PDE8A: variants seen among roughly 807,000 people sequenced by gnomAD.
The protein encoded by PDE8A is high affinity cAMP-specific and IBMX-insensitive 3',5'-cyclic phosphodiesterase 8A.
In PDE8A, 59 loss-of-function variants were observed where a neutral mutation model predicts 105.0. The ratio of observed to expected loss-of-function variants is 0.56; its 90% CI spans 0.46 to 0.70. The LOEUF (loss-of-function observed/expected upper bound fraction) is 0.70, where lower values mean the gene tolerates loss of function less well. Among genes scored for constraint, PDE8A ranks in the 30% least tolerant of loss-of-function variants. The pLI, the probability that PDE8A is intolerant of heterozygous loss-of-function variation, is 0.00. For missense variants in PDE8A, 1,014 were observed against 1,045.9 expected (o/e 0.97, Z 0.42); for synonymous variants, 355 against 371.9 (o/e 0.95, Z 0.52).
At chr15:85,059,643 T>C (rs1317895513) in intron 1 of PDE8A, among the ~76,000 whole-genome samples, 1 of 152,230 alleles carries the variant, frequency 6.6e-6, no homozygotes, top group Admixed American at 6.5e-5. Context: ...TAACTTCCCC[T>C]GCTCTTTTTT....
chr15:85,115,271 G>A (rs2082077931), intron 14 of PDE8A, 168 bp from the exon 15 acceptor site: 1 of 570,662 alleles, frequency 1.8e-6, no homozygotes, highest in Non-Finnish European at 3.1e-6. Flanking sequence ...GTAAGTGACT[G>A]AGGTCAGTGG....
chr15:85,073,236 C>G (rs542446957), intron 3 of PDE8A, among the ~76,000 whole-genome samples: 1 of 152,324 alleles, frequency 6.6e-6, no homozygotes, highest in African/African-American at 2.4e-5. Flanking sequence ...CCTGAACATT[C>G]AGGTATACAT....
intron 1 of PDE8A, among the ~76,000 whole-genome samples, chr15:84,993,140 CAT>C (rs1453077678): frequency 2.6e-5 from 4 of 152,128 alleles, no homozygotes; most frequent in Admixed American, 2.0e-4. Context: ...AAACTTGAAA[CAT>C]ATAGAAAAGA....
rs746281373 is a variant in PDE8A at position 84,982,188 on chromosome 15, T to C, written c.26T>C (p.Ile9Thr). The change falls in exon 1 of 22, where the codon ATT (isoleucine) becomes ACT (threonine). Residue 9 changes from isoleucine to threonine, a missense_variant. Transcript: ENST00000394553. MGCAPSIH[I>T]SERLVAEDAP... is the part of the protein sequence containing the mutation. ...ATGGGCTGTGCCCCGAGCATCCACA[T>C]TTCCGAGCGCCTGGTGGCCGAGGAC... 1.6e-5 allele frequency: 24 copies of C among 1,483,868 alleles called. No individual in the cohort carries two copies. The highest frequency in any genetic ancestry group is 2.1e-5 in the Non-Finnish European group (24 of 1,126,968). The allele number at this position is 1,483,868 out of a possible 1,614,324, so 91.9% of individuals were successfully genotyped here. A position where few individuals can be genotyped will look rare whatever the true frequency, so the allele number is the denominator to read the frequency against.
intron 19 of PDE8A, among the ~76,000 whole-genome samples, chr15:85,123,709 G>T (rs1365966156): frequency 6.6e-6 from 1 of 152,086 alleles, no homozygotes; most frequent in African/African-American, 2.4e-5. Context: ...GAAACACCCA[G>T]GATCAATACT....
chr15:85,121,336 G>T (rs1358009261), intron 18 of PDE8A, among the ~76,000 whole-genome samples: 1 of 143,382 alleles, frequency 7.0e-6, no homozygotes, highest in Non-Finnish European at 1.5e-5. Context: ...AGGATTGCTT[G>T]AGCCCAGGAG....
chr15:85,103,180 C>T (rs1258553306), intron 11 of PDE8A, among the ~76,000 whole-genome samples: 2 of 152,136 alleles, frequency 1.3e-5, no homozygotes, highest in South Asian at 2.1e-4. Context: ...TGAGATCGCG[C>T]CACTGCACTC....
At chr15:85,117,455 C>G (rs570092542) in intron 16 of PDE8A, among the ~76,000 whole-genome samples, 186 bp from the exon 17 acceptor site, 58 of 152,262 alleles carry the variant, frequency 3.8e-4, no homozygotes, top group Middle Eastern at 6.8e-3. Context: ...GCATCATGGT[C>G]CCCTGAGGGC....
chr15:84,997,193 T>C (rs1352653051), intron 1 of PDE8A, among the ~76,000 whole-genome samples: 7 of 152,080 alleles, frequency 4.6e-5, no homozygotes. Context: ...TTTTCTCCAT[T>C]ATGTTTTTTT....
intron 20 of PDE8A, among the ~76,000 whole-genome samples, chr15:85,135,154 G>A (rs560224183): frequency 6.6e-6 from 1 of 152,304 alleles, no homozygotes; most frequent in Admixed American, 6.5e-5. Context: ...AGTGAGTTCT[G>A]CCAGCTACCA....
intron 1 of PDE8A, among the ~76,000 whole-genome samples, chr15:85,055,739 A>G (rs1432583556): frequency 2.6e-5 from 4 of 152,162 alleles, no homozygotes; most frequent in South Asian, 2.1e-4. Flanking sequence ...AATACAGCAC[A>G]CTGATGGGTC....
chr15:85,098,096 T>A, intron 9 of PDE8A, 60 bp downstream of exon 9: 1 of 1,004,090 alleles, frequency 1.0e-6, no homozygotes, highest in Non-Finnish European at 1.6e-6. Context: ...TTGCAGAATT[T>A]GCTTTGAATA....
chr15:85,088,063 G>A (rs2081582775), intron 6 of PDE8A, among the ~76,000 whole-genome samples: 1 of 152,168 alleles, frequency 6.6e-6, no homozygotes, highest in African/African-American at 2.4e-5. Context: ...CCCCAGCCCA[G>A]GCTGTAGTGC....
chr15:85,123,549 G>A (rs928168057), intron 19 of PDE8A, among the ~76,000 whole-genome samples: 15 of 152,072 alleles, frequency 9.9e-5, no homozygotes, highest in African/African-American at 3.4e-4. Flanking sequence ...ATGTAGGCTG[G>A]GAGGCTAGGT....
At chr15:84,983,704 G>A (rs2079757509) in intron 1 of PDE8A, among the ~76,000 whole-genome samples, 1 of 152,228 alleles carries the variant, frequency 6.6e-6, no homozygotes, top group South Asian at 2.1e-4. Context: ...TTACACAGGT[G>A]CATATGGAAA....
intron 1 of PDE8A, among the ~76,000 whole-genome samples, chr15:85,006,975 G>A (rs2080158082): frequency 6.6e-6 from 1 of 152,182 alleles, no homozygotes; most frequent in Non-Finnish European, 1.5e-5. Context: ...CAGCTGTGGT[G>A]GGACATTGTG....
At chr15:85,030,230 T>C (rs2080591135) in intron 1 of PDE8A, among the ~76,000 whole-genome samples, 1 of 152,044 alleles carries the variant, frequency 6.6e-6, no homozygotes, top group Non-Finnish European at 1.5e-5. Context: ...ACAGAGGGTA[T>C]GATTCTGCCT....
rs148982230 is a variant in PDE8A, at chr15:85,041,271, A to T, written c.187-23099A>T. Among the ~76,000 whole-genome samples, 66 of 152,374 alleles carry T rather than the reference A, an allele frequency of 4.3e-4. No homozygotes were observed. In the East Asian group the frequency reaches 0.012, roughly 27 times the overall value. On this transcript the variant is annotated intron_variant, in intron 1 of 21. Coordinates refer to ENST00000394553, the MANE Select transcript of PDE8A (RefSeq NM_002605.3). Reference sequence around the variant, plus strand: ...TCCTACAGCATGACTGAAACTTAGTAAAGTAGTAGTCTAGTCTGGTAGGAT... The same window carrying T: ...TCCTACAGCATGACTGAAACTTAGTTAAGTAGTAGTCTAGTCTGGTAGGAT...
intron 6 of PDE8A, among the ~76,000 whole-genome samples, chr15:85,087,101 G>T (rs2081566812): frequency 6.7e-6 from 1 of 148,898 alleles, no homozygotes; most frequent in Admixed American, 6.7e-5. Context: ...ATTATCTCCT[G>T]GTTTTTTTTA....
Sources: gnomAD v4.1 joint callset for allele counts (sites outside exome capture counted in the v4.1 genomes callset) on GRCh38, gnomAD v4.1.1 for gene constraint, MANE v1.5 for transcripts, NCBI Gene and HGNC (gene_info 2026-07-23, HGNC 2026-07-21) for gene names.